Variants in RFX3 observed in about 807,000 individuals in gnomAD.
RFX3 encodes regulatory factor X3, also known as transcription factor RFX3.
A neutral mutation model predicts 98.6 loss-of-function variants in RFX3; 14 were observed. The observed-to-expected ratio is 0.14, with a 90% CI of 0.09 to 0.22. The LOEUF (loss-of-function observed/expected upper bound fraction) is 0.22, where lower values mean the gene tolerates loss of function less well. Ranked by LOEUF, RFX3 falls within the 10% of genes least tolerant of loss-of-function variation. RFX3 has a pLI of 1.00. For synonymous variants in RFX3, 383 were observed against 328.4 expected (o/e 1.17, Z -1.80); for missense variants, 639 against 926.9 (o/e 0.69, Z 4.03).
chr9:3,324,088 G>C (rs1188953897), intron 4 of RFX3: 1 of 428,942 alleles, frequency 2.3e-6, no homozygotes, highest in African/African-American at 2.0e-5. Flanking sequence ...TTCAGGGACT[G>C]AGTTGGCCTA....
At chr9:3,373,605 C>A (rs1057174450) in intron 2 of RFX3, among the ~76,000 whole-genome samples, 12 of 152,110 alleles carry the variant, frequency 7.9e-5, no homozygotes, top group African/African-American at 2.9e-4. Flanking sequence ...CTCCTGGCCC[C>A]TTCAGGAATA....
chr9:3,296,242 A>C (rs1330614050), intron 5 of RFX3, among the ~76,000 whole-genome samples: 1 of 151,928 alleles, frequency 6.6e-6, no homozygotes, highest in Non-Finnish European at 1.5e-5. Flanking sequence ...ATATGGGTTA[A>C]TCAGACCACT....
At position 3,320,711 on chromosome 9, in the gene RFX3, TATAC is replaced by T. The variant is rs932995997; in HGVS notation, c.474+9544_474+9547del. 3.3e-4 allele frequency among the ~76,000 whole-genome samples: 48 copies of T among 146,006 alleles called. No individual in the cohort carries two copies. In the South Asian group the frequency reaches 3.6e-3, roughly 11 times the overall value. On this transcript the variant is annotated intron_variant, in intron 4 of 16. Transcript: ENST00000617270. ...GTGTACATATGTGTGTGTGCATATA[TATAC>T]ATACATACACACACATATGTGCCTA... is the stretch of plus-strand genomic sequence containing the variant.
intron 2 of RFX3, among the ~76,000 whole-genome samples, chr9:3,365,499 G>T (rs1156366643): frequency 3.3e-5 from 5 of 152,102 alleles, no homozygotes; most frequent in Admixed American, 3.3e-4. Context: ...AAAAATAGCT[G>T]TTTCATTGTA....
intron 16 of RFX3, among the ~76,000 whole-genome samples, chr9:3,227,346 G>C (rs1346537558): frequency 1.3e-5 from 2 of 152,168 alleles, no homozygotes; most frequent in African/African-American, 4.8e-5. Context: ...ATCTCTGGGT[G>C]ACAGGTTTCC....
chr9:3,317,940 T>C (rs200975094), intron 4 of RFX3, among the ~76,000 whole-genome samples: 39 of 152,236 alleles, frequency 2.6e-4, no homozygotes, highest in African/African-American at 7.5e-4. Flanking sequence ...TAAGCTAGTT[T>C]AACCATTGTG....
rs1401467322 is a variant in RFX3 at position 3,504,973 on chromosome 9, T to A, written c.-9+20774A>T. ...TAATATATATTATATATAATATATATTATATAATATATATGTTATATATAT... is the reference window on the plus strand; with the variant it reads ...TAATATATATTATATATAATATATAATATATAATATATATGTTATATATAT... On this transcript the variant is annotated intron_variant, in intron 1 of 16. Transcript: ENST00000617270. Among the ~76,000 whole-genome samples the A allele has an allele frequency of 1.6e-3, 130 of 78,810 alleles. 1 individual carries two copies. The highest frequency in any genetic ancestry group is 6.3e-3 in the African/African-American group (119 of 18,846). The allele number at this position is 78,810 out of a possible 152,430, so 51.7% of individuals were successfully genotyped here.
chr9:3,353,949 G>A lies in RFX3; in HGVS notation c.118-7185C>T, dbSNP rs555722973. 6.6e-5 allele frequency among the ~76,000 whole-genome samples: 10 copies of A among 151,852 alleles called. No homozygotes were observed. The South Asian group carries it at 1.7e-3, about 25-fold the overall frequency. ...TTATGATTTAAGCGAAAACATGACCGTGCTGAGAAAAAAAGAAAGAAGCTA... is the reference window on the plus strand; with the variant it reads ...TTATGATTTAAGCGAAAACATGACCATGCTGAGAAAAAAAGAAAGAAGCTA... On this transcript the variant is annotated intron_variant, in intron 2 of 16. Transcript: ENST00000617270.
intron 1 of RFX3, among the ~76,000 whole-genome samples, chr9:3,411,307 C>T (rs1033627506): frequency 2.6e-5 from 4 of 152,112 alleles, no homozygotes; most frequent in Non-Finnish European, 4.4e-5. Context: ...CCATCTTCCT[C>T]GCTCTGTGTC....
intron 15 of RFX3, 80 bp from the exon 16 acceptor site, chr9:3,228,969 C>T (rs1818124358): frequency 1.6e-6 from 2 of 1,250,826 alleles, no homozygotes; most frequent in Non-Finnish European, 2.3e-6. Context: ...AGTAAAAATG[C>T]CAATCTATGA....
chr9:3,504,819 T>A (rs1333315057), intron 1 of RFX3, among the ~76,000 whole-genome samples: 6 of 52,436 alleles, frequency 1.1e-4, no homozygotes, highest in African/African-American at 4.1e-4. Context: ...AAATATATAT[T>A]ATATATAAAA....
At chr9:3,362,775 T>C (rs1836604900) in intron 2 of RFX3, among the ~76,000 whole-genome samples, 1 of 152,178 alleles carries the variant, frequency 6.6e-6, no homozygotes, top group East Asian at 1.9e-4. Flanking sequence ...GTTCAATAAA[T>C]CATCCCTAGA....
intron 2 of RFX3, among the ~76,000 whole-genome samples, chr9:3,348,650 G>A (rs975251006): frequency 6.6e-6 from 1 of 151,910 alleles, no homozygotes; most frequent in African/African-American, 2.4e-5. Flanking sequence ...TTACAGTACT[G>A]AAAATGACTT....
At chr9:3,490,723 C>A (rs1490966613) in intron 1 of RFX3, among the ~76,000 whole-genome samples, 1 of 152,072 alleles carries the variant, frequency 6.6e-6, no homozygotes, top group East Asian at 1.9e-4. Flanking sequence ...TTCTGAAAAT[C>A]ACCCTGCTAA....
chr9:3,301,974 C>A (rs2986688), intron 4 of RFX3, among the ~76,000 whole-genome samples: 35,133 of 151,700 alleles, frequency 0.23, 6,135 homozygotes, highest in African/African-American at 0.5. Context: ...CTTTCTAAAT[C>A]GTCTCCCACC....
intron 1 of RFX3, among the ~76,000 whole-genome samples, chr9:3,410,368 C>G (rs749799622): frequency 6.6e-6 from 1 of 152,056 alleles, no homozygotes; most frequent in Non-Finnish European, 1.5e-5. Flanking sequence ...CTGAGTGTCT[C>G]AGGCTCAGAA....
chr9:3,418,258 T>C (rs527384522), intron 1 of RFX3, among the ~76,000 whole-genome samples: 121 of 152,344 alleles, frequency 7.9e-4, no homozygotes, highest in Middle Eastern at 3.4e-3. Context: ...TTAGAGTGAT[T>C]ATAAAGATTC....
intron 15 of RFX3, among the ~76,000 whole-genome samples, chr9:3,236,209 A>T (rs1373087396): frequency 1.6e-4 from 25 of 152,178 alleles, no homozygotes; most frequent in Admixed American, 1.6e-3. Context: ...AATTTTACAT[A>T]CAAGTTCCTA....
intron 1 of RFX3, among the ~76,000 whole-genome samples, chr9:3,524,879 C>CACA (rs1192760672): frequency 8.6e-6 from 1 of 116,646 alleles, no homozygotes. Context: ...ACACACACAC[C>CACA]AAAGAAGAGA....
Sources: gnomAD v4.1 joint callset for allele counts (sites outside exome capture counted in the v4.1 genomes callset) on GRCh38, gnomAD v4.1.1 for gene constraint, MANE v1.5 for transcripts, NCBI Gene and HGNC (gene_info 2026-07-23, HGNC 2026-07-21) for gene names.